The following SLC35F3 variants were observed in gnomAD, a reference collection of about 807,000 sequenced individuals.
SLC35F3 encodes the protein putative thiamine transporter SLC35F3.
SLC35F3 carries 25 observed loss-of-function variants against 49.9 expected under a neutral mutation model. The observed-to-expected ratio is 0.50, with a 90% confidence interval of 0.37 to 0.70. The LOEUF is 0.70. Among genes scored for constraint, SLC35F3 ranks in the 30% least tolerant of loss-of-function variants. The pLI is 0.00. For missense variants in SLC35F3, 525 were observed against 639.8 expected (o/e 0.82, Z 1.94); for synonymous variants, 275 against 265.4 (o/e 1.04, Z -0.35).
chr1:234,068,823 T>TTTTTTATATATATATA (rs1553302354), intron 2 of SLC35F3, among the ~76,000 whole-genome samples: 1 of 71,184 alleles, frequency 1.4e-5, no homozygotes, highest in African/African-American at 5.9e-5. Flanking sequence ...ATTTGAGACA[T>TTTTTTATATATATATA]TATATATATA....
chr1:234,305,383 CTTT>C (rs60208203), intron 3 of SLC35F3, among the ~76,000 whole-genome samples: 64,228 of 124,306 alleles, frequency 0.52, 13,176 homozygotes, highest in Middle Eastern at 0.67. Context: ...AGCAGTATTG[CTTT>C]TTTTTTTTTT....
chr1:234,226,327 T>G (rs996143211), intron 2 of SLC35F3, among the ~76,000 whole-genome samples: 1 of 152,086 alleles, frequency 6.6e-6, no homozygotes, highest in African/African-American at 2.4e-5. Flanking sequence ...TGATCCCCGC[T>G]CTGGGTCCCT....
chr1:234,171,135 G>A (rs865831543), intron 2 of SLC35F3, among the ~76,000 whole-genome samples: 8 of 152,208 alleles, frequency 5.3e-5, no homozygotes, highest in Admixed American at 1.3e-4. Context: ...TTGTTAGAAA[G>A]GCACATTCCC....
chr1:234,195,289 C>T (rs1666790292), intron 2 of SLC35F3, among the ~76,000 whole-genome samples: 1 of 152,204 alleles, frequency 6.6e-6, no homozygotes, highest in South Asian at 2.1e-4. Flanking sequence ...CTTTGAGCCA[C>T]AGAACCATCT....
chr1:233,984,769 G>A lies in SLC35F3; in HGVS notation c.283+79011G>A, dbSNP rs562817546. ...GTTTCCCCTTAGCTGAGGTCTACAG[G>A]CCAGTGGATGTCTTTGGTGGGGGTC... On this transcript the variant is annotated intron_variant, in intron 2 of 7. Coordinates refer to ENST00000366618, the MANE Select transcript of SLC35F3 (RefSeq NM_173508.4). Among the ~76,000 whole-genome samples the A allele has an allele frequency of 1.8e-4, 27 of 152,304 alleles. No individual in the cohort carries two copies. In the South Asian group the frequency reaches 5.0e-3, roughly 28 times the overall value.
chr1:234,249,547 G>A (rs536507015), intron 3 of SLC35F3, among the ~76,000 whole-genome samples: 2 of 152,292 alleles, frequency 1.3e-5, no homozygotes, highest in South Asian at 4.1e-4. Context: ...GGAGGAGAGG[G>A]GTGGTCACTG....
In SLC35F3 at chr1:233,957,325, C is replaced by T. The variant is rs545895743; in HGVS notation, c.283+51567C>T. On this transcript the variant is annotated intron_variant, in intron 2 of 7. Coordinates refer to ENST00000366618, the MANE Select transcript of SLC35F3 (RefSeq NM_173508.4). The surrounding 1 kb of genome is among the most constrained non-coding windows in gnomAD (Gnocchi z 4.0). ...AGGTAGGAGGAATGGCTGGAGGAAGCGATGCCACTCCATCTTCATTCTACT... is the reference window on the plus strand; with the variant it reads ...AGGTAGGAGGAATGGCTGGAGGAAGTGATGCCACTCCATCTTCATTCTACT... Among the ~76,000 whole-genome samples, 11 of 152,266 alleles carry T rather than the reference C, an allele frequency of 7.2e-5. No homozygotes were observed. The highest frequency in any genetic ancestry group is 2.4e-4 in the African/African-American group (10 of 41,544).
At chr1:234,220,250 T>C (rs562981807) in intron 2 of SLC35F3, among the ~76,000 whole-genome samples, 1 of 152,058 alleles carries the variant, frequency 6.6e-6, no homozygotes. Context: ...GTCTATCAAA[T>C]GTAATAAGAG....
At chr1:234,200,195 C>T (rs2102934131) in intron 2 of SLC35F3, among the ~76,000 whole-genome samples, 1 of 152,180 alleles carries the variant, frequency 6.6e-6, no homozygotes, top group East Asian at 1.9e-4. Context: ...TCATGTTTAT[C>T]GAGGTTTTGA....
chr1:234,136,990 C>A (rs1367681500), intron 2 of SLC35F3, among the ~76,000 whole-genome samples: 2 of 152,176 alleles, frequency 1.3e-5, no homozygotes, highest in African/African-American at 4.8e-5. Context: ...TATTGGGGCC[C>A]TACTGGATTC....
intron 3 of SLC35F3, among the ~76,000 whole-genome samples, chr1:234,266,067 G>A (rs2102970777): frequency 6.6e-6 from 1 of 152,260 alleles, no homozygotes; most frequent in Non-Finnish European, 1.5e-5. Flanking sequence ...ACAAGGCATA[G>A]GAGCATTGAC....
chr1:234,206,626 T>C (rs896005226), intron 2 of SLC35F3, among the ~76,000 whole-genome samples: 3 of 152,168 alleles, frequency 2.0e-5, no homozygotes, highest in Admixed American at 1.3e-4. Flanking sequence ...ACAATGATTA[T>C]TGATATCCTG....
intron 2 of SLC35F3, among the ~76,000 whole-genome samples, chr1:233,983,200 A>G (rs944590498): frequency 2.0e-5 from 3 of 152,174 alleles, no homozygotes; most frequent in African/African-American, 7.2e-5. Flanking sequence ...ATCTCTCAAC[A>G]ATCAGAAAAT....
intron 2 of SLC35F3, among the ~76,000 whole-genome samples, chr1:233,964,789 G>T (rs773572835): frequency 9.9e-5 from 15 of 152,172 alleles, no homozygotes; most frequent in Non-Finnish European, 1.9e-4. Flanking sequence ...TCCTTTGAGG[G>T]CTGTGCCATC....
At chr1:234,177,131 T>G (rs1275302067) in intron 2 of SLC35F3, among the ~76,000 whole-genome samples, 1 of 152,082 alleles carries the variant, frequency 6.6e-6, no homozygotes, top group Non-Finnish European at 1.5e-5. Flanking sequence ...TCTCATGAGA[T>G]CTGATGGTTT....
chr1:234,161,479 G>A (rs1198318061), intron 2 of SLC35F3, among the ~76,000 whole-genome samples: 1 of 152,080 alleles, frequency 6.6e-6, no homozygotes, highest in African/African-American at 2.4e-5. Flanking sequence ...AACTCCTTGA[G>A]GCCAGGCACA....
At chr1:234,269,118 C>A (rs1297524531) in intron 3 of SLC35F3, among the ~76,000 whole-genome samples, 1 of 152,072 alleles carries the variant, frequency 6.6e-6, no homozygotes, top group Admixed American at 6.5e-5. Context: ...GTTATTTCAC[C>A]TTTCATGTAG....
intron 2 of SLC35F3, among the ~76,000 whole-genome samples, chr1:234,089,014 G>A (rs968475885): frequency 9.2e-5 from 14 of 152,134 alleles, no homozygotes; most frequent in Non-Finnish European, 1.3e-4. Flanking sequence ...TGCCCACCTC[G>A]GCCCCCCAGA....
rs1007968310 is a variant in SLC35F3 at position 233,905,106 on chromosome 1, C to T, written c.29C>T (p.Ala10Val). ...GGGATTCGAGAGTTTCCCAGCGGCG[C>T]ACCCAGGGGCAAGAGCATTGCCGTG... MGIREFPSG[A>V]PRGKSIAVGM... Residue 10 changes from alanine to valine, a missense_variant, in exon 1 of 8, where the codon GCA (alanine) becomes GTA (valine). Transcript: ENST00000366618. 1.9e-6 allele frequency: 3 copies of T among 1,562,176 alleles called. No individual in the cohort carries two copies. In the African/African-American group the frequency reaches 4.1e-5, roughly 21 times the overall value.
Sources: allele counts gnomAD v4.1 joint callset (sites outside exome capture counted in the v4.1 genomes callset), GRCh38; gene constraint gnomAD v4.1.1; non-coding constraint Gnocchi (gnomAD v3.1); transcripts MANE v1.5; gene names NCBI Gene and HGNC (gene_info 2026-07-23, HGNC 2026-07-21).